The following SCGN variants were observed in gnomAD, a reference collection of about 807,000 sequenced individuals.
SCGN encodes secretagogin.
SCGN carries 30 observed loss-of-function variants against 39.7 expected under a neutral mutation model. The observed-to-expected ratio is 0.76, with a 90% confidence interval of 0.57 to 1.03. The LOEUF (loss-of-function observed/expected upper bound fraction) is 1.03, where lower values mean the gene tolerates loss of function less well. SCGN is among the 50% of genes least tolerant of loss of function. The pLI is 0.00. For missense variants in SCGN, 353 were observed against 349.4 expected (o/e 1.01, Z -0.08); for synonymous variants, 106 against 114.1 (o/e 0.93, Z 0.45).
At chr6:25,666,753 C>T (rs1380963915) in intron 4 of SCGN, among the ~76,000 whole-genome samples, 1 of 151,654 alleles carries the variant, frequency 6.6e-6, no homozygotes, top group Non-Finnish European at 1.5e-5. Flanking sequence ...AGTTGTTTAC[C>T]CTAAAGCCTG....
At chr6:25,674,575 A>G (rs890484812) in intron 6 of SCGN, among the ~76,000 whole-genome samples, 3 of 152,232 alleles carry the variant, frequency 2.0e-5, no homozygotes, top group African/African-American at 7.2e-5. Flanking sequence ...GCAATACTGT[A>G]TTAAAGATTT....
chr6:25,657,842 C>T (rs1259811972), intron 2 of SCGN, among the ~76,000 whole-genome samples: 1 of 150,780 alleles, frequency 6.6e-6, no homozygotes, highest in Non-Finnish European at 1.5e-5. Context: ...CAAAGGAAGA[C>T]AGAAGACAGA....
intron 1 of SCGN, among the ~76,000 whole-genome samples, chr6:25,652,818 T>A (rs1760157809): frequency 6.6e-6 from 1 of 152,158 alleles, no homozygotes; most frequent in African/African-American, 2.4e-5. Context: ...GGGCTGAGAC[T>A]CAGCTATTTG....
At chr6:25,663,961 C>T (rs1760385514) in intron 3 of SCGN, among the ~76,000 whole-genome samples, 1 of 152,088 alleles carries the variant, frequency 6.6e-6, no homozygotes, top group African/African-American at 2.4e-5. Flanking sequence ...AGACACTGAG[C>T]AAACTACTCA....
intron 2 of SCGN, 115 bp from the exon 3 acceptor site, chr6:25,661,437 G>A (rs929335282): frequency 7.0e-6 from 5 of 714,110 alleles, no homozygotes; most frequent in African/African-American, 1.8e-5. Context: ...CAAGGAACCT[G>A]CTTTCCATGT....
At chr6:25,653,483 T>G (rs1760172022) in intron 2 of SCGN, 31 bp downstream of exon 2, 1 of 1,511,150 alleles carries the variant, frequency 6.6e-7, no homozygotes, top group African/African-American at 1.4e-5. Context: ...CCTTAATTTA[T>G]GCCTCTTAGT....
intron 10 of SCGN, among the ~76,000 whole-genome samples, chr6:25,693,241 G>A (rs1331180696): frequency 2.0e-5 from 3 of 152,040 alleles, no homozygotes; most frequent in Non-Finnish European, 2.9e-5. Flanking sequence ...CACGAGGTCA[G>A]GAGATCGAGA....
intron 6 of SCGN, among the ~76,000 whole-genome samples, chr6:25,674,871 T>G (rs1287484035): frequency 6.6e-6 from 1 of 152,204 alleles, no homozygotes; most frequent in African/African-American, 2.4e-5. Context: ...GGAGGAAAGA[T>G]TTAACTGTCT....
At chr6:25,671,832 A>T (rs1488404700) in intron 6 of SCGN, among the ~76,000 whole-genome samples, 1 of 151,880 alleles carries the variant, frequency 6.6e-6, no homozygotes, top group African/African-American at 2.4e-5. Context: ...CATATTTTTA[A>T]CATTGATTTA....
At chr6:25,660,169 G>T (rs1760312152) in intron 2 of SCGN, among the ~76,000 whole-genome samples, 1 of 152,214 alleles carries the variant, frequency 6.6e-6, no homozygotes, top group Non-Finnish European at 1.5e-5. Flanking sequence ...GCATGGCTTA[G>T]TGCCCATCCT....
chr6:25,690,339 T>C (rs914970386), intron 9 of SCGN, among the ~76,000 whole-genome samples: 3 of 152,306 alleles, frequency 2.0e-5, no homozygotes, highest in Middle Eastern at 3.4e-3. Context: ...ATTAAATGAA[T>C]TCAGGTTTAT....
rs761538264 is a variant in SCGN, at chr6:25,653,911, G to T, written c.153+459G>T. On this transcript the variant is annotated intron_variant, in intron 2 of 10. Transcript: ENST00000377961. ...TTATCCATTATTCATTTTATTAGAA[G>T]AGGTTACAGATTTTTCAGGGAATGA... is the stretch of plus-strand genomic sequence containing the variant. Among the ~76,000 whole-genome samples the T allele has an allele frequency of 6.6e-5, 10 of 152,244 alleles. 1 individual carries two copies. In the South Asian group the frequency reaches 1.2e-3, roughly 19 times the overall value.
At position 25,701,487 on chromosome 6, in the gene SCGN, A is replaced by G; in HGVS notation, c.*152A>G. 1.1e-6 allele frequency: 1 copy of G among 901,028 alleles called. No individual in the cohort carries two copies. The highest frequency in any genetic ancestry group is 2.7e-5 in the East Asian group (1 of 37,244). The allele number at this position is 901,028 out of a possible 1,614,324, so 55.8% of individuals were successfully genotyped here. ...ACAGGGACGCTAGGGCCTTCCTTCCACCGGCGTGATCTATCCCTGTCTCAC... is the reference window on the plus strand; with the variant it reads ...ACAGGGACGCTAGGGCCTTCCTTCCGCCGGCGTGATCTATCCCTGTCTCAC... On this transcript the variant is annotated 3_prime_UTR_variant, in exon 11 of 11. Coordinates refer to ENST00000377961, the MANE Select transcript of SCGN (RefSeq NM_006998.4).
At chr6:25,690,947 C>A in intron 9 of SCGN, 109 bp from the exon 10 acceptor site, 1 of 740,694 alleles carries the variant, frequency 1.4e-6, no homozygotes, top group South Asian at 1.8e-5. Flanking sequence ...ACTTCTAAAT[C>A]TATTTGCGGC....
At chr6:25,680,057 T>A (rs1270875816) in intron 6 of SCGN, among the ~76,000 whole-genome samples, 1 of 152,228 alleles carries the variant, frequency 6.6e-6, no homozygotes, top group African/African-American at 2.4e-5. Flanking sequence ...AACGCAGATT[T>A]TTTTTACATT....
chr6:25,701,594 A>G lies in SCGN; in HGVS notation c.*259A>G. ...CTCCCAAAGACTCAGCTCCCCTGTT[A>G]GATGGCTCTGCCTGTCCTTCCCCAG... On this transcript the variant is annotated 3_prime_UTR_variant, in exon 11 of 11. Transcript: ENST00000377961. 1 of 314,996 alleles carries G rather than the reference A, an allele frequency of 3.2e-6. No homozygotes were observed. Among genetic ancestry groups the G allele is most frequent in the South Asian group, 7.3e-5 (1 of 13,782 alleles). The allele number at this position is 314,996 out of a possible 1,614,324, so 19.5% of individuals were successfully genotyped here. A position where few individuals can be genotyped will look rare whatever the true frequency, so the allele number is the denominator to read the frequency against.
chr6:25,691,683 A>G (rs1407279698), intron 10 of SCGN, among the ~76,000 whole-genome samples: 1 of 152,124 alleles, frequency 6.6e-6, no homozygotes, highest in Non-Finnish European at 1.5e-5. Context: ...GTCCTGTTGA[A>G]CTGTATTGAC....
At chr6:25,652,581 A>G in intron 1 of SCGN, 96 bp downstream of exon 1, 3 of 1,173,362 alleles carry the variant, frequency 2.6e-6, no homozygotes, top group Non-Finnish European at 2.5e-6. Flanking sequence ...CTGTAGGAAA[A>G]GTTATCGACC....
intron 10 of SCGN, among the ~76,000 whole-genome samples, chr6:25,693,739 C>G (rs898625722): frequency 6.6e-6 from 1 of 152,148 alleles, no homozygotes; most frequent in African/African-American, 2.4e-5. Flanking sequence ...ATAAAATTCT[C>G]TCTGCATACT....
Sources: gnomAD v4.1 joint callset for allele counts (sites outside exome capture counted in the v4.1 genomes callset) on GRCh38, gnomAD v4.1.1 for gene constraint, MANE v1.5 for transcripts, NCBI Gene and HGNC (gene_info 2026-07-23, HGNC 2026-07-21) for gene names.